The following ZFHX3 variants were observed in gnomAD, a reference collection of about 807,000 sequenced individuals.
ZFHX3 encodes zinc finger homeobox 3.
A neutral mutation model predicts 279.1 loss-of-function variants in ZFHX3; 42 were observed. The observed-to-expected ratio is 0.15, with a 90% CI of 0.12 to 0.19. ZFHX3 has a LOEUF of 0.19. Among genes scored for constraint, ZFHX3 ranks in the 10% least tolerant of loss-of-function variants. The probability of loss-of-function intolerance (pLI) is 1.00; values close to 1 mark genes in which losing one functional copy is unlikely to be tolerated. For synonymous variants in ZFHX3, 2,293 were observed against 1,957.8 expected (o/e 1.17, Z -4.52); for missense variants, 4,981 against 4,754.0 (o/e 1.05, Z -1.40).
Position 73,529,864 on chromosome 16 carries a change from C to A in ZFHX3, c.-1546-73606G>T, listed in dbSNP as rs564143879. 1.8e-4 allele frequency among the ~76,000 whole-genome samples: 27 copies of A among 152,214 alleles called. No individual in the cohort carries two copies. The East Asian group carries it at 5.0e-3, about 28-fold the overall frequency. On this transcript the variant is annotated intron_variant, in intron 2 of 17. Coordinates refer to the ZFHX3 transcript ENST00000641206. ...TAGGCTGTGTGATGACGCGTAGCAACCAGGCAGCAGAAATTTCTTAGAAAG... is the reference window on the plus strand; with the variant it reads ...TAGGCTGTGTGATGACGCGTAGCAAACAGGCAGCAGAAATTTCTTAGAAAG...
chr16:72,968,257 C>T (rs1597032335), intron 1 of ZFHX3, among the ~76,000 whole-genome samples: 1 of 152,142 alleles, frequency 6.6e-6, no homozygotes, highest in East Asian at 1.9e-4. Flanking sequence ...ATGTCCTATG[C>T]TTTTTAGAAA....
At chr16:73,737,672 C>T (rs1332251583) in intron 1 of ZFHX3, among the ~76,000 whole-genome samples, 1 of 150,382 alleles carries the variant, frequency 6.6e-6, no homozygotes, top group Non-Finnish European at 1.5e-5. Flanking sequence ...CAATTTACTT[C>T]GGGAAAAAGG....
intron 4 of ZFHX3, among the ~76,000 whole-genome samples, chr16:72,885,772 G>A (rs1240195058): frequency 2.0e-5 from 3 of 152,170 alleles, no homozygotes; most frequent in Non-Finnish European, 4.4e-5. Flanking sequence ...GAAAGGAGAA[G>A]GAATGTCATC....
intron 1 of ZFHX3, among the ~76,000 whole-genome samples, chr16:73,040,562 T>C (rs915574410): frequency 2.1e-5 from 3 of 143,336 alleles, no homozygotes; most frequent in African/African-American, 7.7e-5. Context: ...AGGGGAGGGC[T>C]GGGGTGGATG....
At chr16:73,887,563 C>CA (rs896041071) in intron 1 of ZFHX3, among the ~76,000 whole-genome samples, 19 of 150,904 alleles carry the variant, frequency 1.3e-4, no homozygotes, top group African/African-American at 2.7e-4. Context: ...ACGGCAACAA[C>CA]AAAAAAAAGC....
At chr16:73,016,444 T>C (rs1964106876) in intron 1 of ZFHX3, among the ~76,000 whole-genome samples, 1 of 152,070 alleles carries the variant, frequency 6.6e-6, no homozygotes, top group African/African-American at 2.4e-5. Context: ...AGCCTCCTGC[T>C]TGTGAAAGAT....
At chr16:72,837,303 A>C (rs1448215163) in intron 4 of ZFHX3, among the ~76,000 whole-genome samples, 2 of 152,174 alleles carry the variant, frequency 1.3e-5, no homozygotes, top group African/African-American at 4.8e-5. Context: ...TGGCTTACCA[A>C]AACAAAGTGG....
At chr16:73,389,208 A>G (rs989352203) in intron 3 of ZFHX3, 4 of 152,040 alleles carry the variant, frequency 2.6e-5, no homozygotes, top group African/African-American at 7.2e-5. Context: ...CTCATAAACT[A>G]AATCCAGCCA....
At chr16:73,319,957 G>C (rs1470604464) in intron 3 of ZFHX3, among the ~76,000 whole-genome samples, 1 of 152,178 alleles carries the variant, frequency 6.6e-6, no homozygotes, top group Non-Finnish European at 1.5e-5. Context: ...TTAAAATGAT[G>C]AGAGTGAACT....
intron 4 of ZFHX3, among the ~76,000 whole-genome samples, chr16:72,874,852 A>T (rs989251840): frequency 6.6e-6 from 1 of 152,142 alleles, no homozygotes; most frequent in Non-Finnish European, 1.5e-5. Context: ...GAGTGGTGTG[A>T]AACAAAAGAA....
Position 73,326,315 on chromosome 16 carries a change from A to G in ZFHX3, c.-1290-7979T>C, listed in dbSNP as rs62057269. On this transcript the variant is annotated intron_variant, in intron 3 of 17. Transcript: ENST00000641206. The stretch of plus-strand genomic sequence containing the variant: ...ACACTGAACCACATACGAAAAGCCT[A>G]AAGTCCAATAACGGGCTAATGTTCA... Among the ~76,000 whole-genome samples, 700 of 152,176 alleles carry G rather than the reference A, an allele frequency of 4.6e-3. 2 individuals are homozygous for G. The highest frequency in any genetic ancestry group is 0.014 in the Middle Eastern group (4 of 294).
chr16:73,679,185 G>C (rs575914592), intron 2 of ZFHX3, among the ~76,000 whole-genome samples: 4 of 151,650 alleles, frequency 2.6e-5, no homozygotes, highest in African/African-American at 9.7e-5. Flanking sequence ...CAAGGCATTT[G>C]ATACCAAGCA....
At chr16:73,344,515 G>A (rs917251772) in intron 3 of ZFHX3, among the ~76,000 whole-genome samples, 1 of 152,168 alleles carries the variant, frequency 6.6e-6, no homozygotes, top group Non-Finnish European at 1.5e-5. Flanking sequence ...TTGGACTGTG[G>A]ATTCATTGAT....
chr16:73,759,570 A>G (rs896521695), intron 1 of ZFHX3, among the ~76,000 whole-genome samples: 4 of 152,212 alleles, frequency 2.6e-5, no homozygotes, highest in Admixed American at 1.3e-4. Context: ...GGGAAAGAAA[A>G]GTTAAAAAGA....
chr16:72,966,569 T>G (rs898553977), intron 1 of ZFHX3, among the ~76,000 whole-genome samples: 1 of 152,200 alleles, frequency 6.6e-6, no homozygotes, highest in Non-Finnish European at 1.5e-5. Flanking sequence ...TTTCTCTGTC[T>G]GCGTGAATAA....
At chr16:73,254,414 A>C (rs1414493876) in intron 5 of ZFHX3, among the ~76,000 whole-genome samples, 1 of 151,862 alleles carries the variant, frequency 6.6e-6, no homozygotes. Context: ...GAACTGACAC[A>C]ACTGGAATTG....
In ZFHX3 at chr16:73,341,442, TA is replaced by T. The variant is rs375480779; in HGVS notation, c.-1290-23107del. 3.3e-4 allele frequency among the ~76,000 whole-genome samples: 50 copies of T among 152,102 alleles called. 1 individual carries two copies. In the South Asian group the frequency reaches 1.0e-2, roughly 30 times the overall value. ...AAGATACATAAGTAGCCTTTAAACA[TA>T]AGAAAAAAATGTTCAACTTCATACA... On this transcript the variant is annotated intron_variant, in intron 3 of 17. Transcript: ENST00000641206.
intron 1 of ZFHX3, among the ~76,000 whole-genome samples, chr16:73,053,921 T>C (rs1272707362): frequency 1.3e-5 from 2 of 152,060 alleles, no homozygotes; most frequent in Non-Finnish European, 2.9e-5. Flanking sequence ...ACCTTTTGTG[T>C]ACACAAGAAA....
In ZFHX3 at chr16:73,256,387, G is replaced by A. The variant is rs77620325; in HGVS notation, c.-1104+660C>T. ...GCATGGTGCAGGCCTAGCTCATCAC[G>A]TTTTATAGAATTGAATGTACATGTG... On this transcript the variant is annotated intron_variant, in intron 5 of 17. Coordinates refer to the ZFHX3 transcript ENST00000641206. 1.3e-4 allele frequency among the ~76,000 whole-genome samples: 20 copies of A among 152,300 alleles called. No homozygotes were observed. The East Asian group carries it at 3.9e-3, about 29-fold the overall frequency.
Sources: gnomAD v4.1 joint callset for allele counts (sites outside exome capture counted in the v4.1 genomes callset) on GRCh38, gnomAD v4.1.1 for gene constraint, MANE v1.5 for transcripts, NCBI Gene and HGNC (gene_info 2026-07-23, HGNC 2026-07-21) for gene names.